Variants in DOCK4 observed in about 807,000 individuals in gnomAD.
DOCK4 encodes dedicator of cytokinesis 4.
Under a neutral mutation model 268.1 loss-of-function variants are expected in DOCK4, and 97 were observed. The observed-to-expected ratio is 0.36, with a 90% CI of 0.31 to 0.43. The LOEUF (loss-of-function observed/expected upper bound fraction) is 0.43. DOCK4 is among the 20% of genes least tolerant of loss of function. The probability of loss-of-function intolerance (pLI) is 1.00; values close to 1 mark genes in which losing one functional copy is unlikely to be tolerated. For missense variants in DOCK4, 2,145 were observed against 2,455.7 expected (o/e 0.87, Z 2.67); for synonymous variants, 954 against 887.2 (o/e 1.08, Z -1.34).
At chr7:112,016,661 G>C (rs1226440507) in intron 1 of DOCK4, among the ~76,000 whole-genome samples, 1 of 152,130 alleles carries the variant, frequency 6.6e-6, no homozygotes, top group South Asian at 2.1e-4. Context: ...ATCAAAACCT[G>C]TAATGGGTTC....
intron 30 of DOCK4, among the ~76,000 whole-genome samples, chr7:111,798,198 C>G (rs936686773): frequency 1.3e-5 from 2 of 152,206 alleles, no homozygotes; most frequent in Non-Finnish European, 2.9e-5. Flanking sequence ...GCAGAGACCA[C>G]TGGAGACAGA....
intron 8 of DOCK4, among the ~76,000 whole-genome samples, chr7:111,974,657 G>C (rs749185903): frequency 5.6e-4 from 85 of 151,558 alleles, no homozygotes; most frequent in Non-Finnish European, 9.9e-4. Flanking sequence ...AGAGACCAGG[G>C]GGAAGTAGGC....
chr7:112,026,332 G>A (rs1483731351), intron 1 of DOCK4, among the ~76,000 whole-genome samples: 1 of 152,208 alleles, frequency 6.6e-6, no homozygotes, highest in Non-Finnish European at 1.5e-5. Flanking sequence ...TAGGTTGCAC[G>A]CTCCTTATGA....
intron 1 of DOCK4, among the ~76,000 whole-genome samples, chr7:112,126,206 G>A (rs1240122033): frequency 6.6e-6 from 1 of 152,116 alleles, no homozygotes; most frequent in Non-Finnish European, 1.5e-5. Context: ...AATCAAAATG[G>A]CATAACATTG....
chr7:111,968,370 A>C (rs1797413302), intron 8 of DOCK4, among the ~76,000 whole-genome samples: 1 of 80,506 alleles, frequency 1.2e-5, no homozygotes, highest in Non-Finnish European at 2.2e-5. Context: ...CAACAAAAAA[A>C]CAAACAACCC....
At chr7:111,818,955 T>C (rs1012118179) in intron 27 of DOCK4, among the ~76,000 whole-genome samples, 11 of 152,232 alleles carry the variant, frequency 7.2e-5, no homozygotes, top group Admixed American at 5.9e-4. Flanking sequence ...CACGGTGCTC[T>C]TTGTCTTTAT....
At chr7:111,999,139 G>A (rs1800214010) in intron 3 of DOCK4, among the ~76,000 whole-genome samples, 1 of 151,922 alleles carries the variant, frequency 6.6e-6, no homozygotes, top group Non-Finnish European at 1.5e-5. Flanking sequence ...ATGGGAAATT[G>A]AAAGAAACAA....
In DOCK4 at chr7:111,788,720, C is replaced by T. The variant is rs1272203257; in HGVS notation, c.3343G>A (p.Asp1115Asn). The change falls in exon 32 of 53, where the codon GAT (aspartate) becomes AAT (asparagine). Residue 1115 changes from aspartate to asparagine, a missense_variant. By Grantham distance (23) the Asp-to-Asn change is conservative. Around this residue, in one of 2 missense-constraint regions of DOCK4, gnomAD observed 1,598 missense variants for 1,986.7 expected, o/e 0.80. Coordinates refer to ENST00000428084, the MANE Select transcript of DOCK4 (RefSeq NM_001363540.2). ...CCTTTGCCTTCTGACATCAGGCTAT[C>T]CAGTTTGTCAATTAGCTTGGCTTCC... Reference protein sequence around the residue: ...QVEAKLIDKLDSLMSEGKGDE... With the variant: ...QVEAKLIDKLNSLMSEGKGDE... 6.3e-7 allele frequency: 1 copy of T among 1,593,172 alleles called. No individual in the cohort carries two copies. The highest frequency in any genetic ancestry group is 1.7e-5 in the Admixed American group (1 of 57,290).
chr7:112,098,836 A>G (rs966130159), intron 1 of DOCK4, among the ~76,000 whole-genome samples: 2 of 151,766 alleles, frequency 1.3e-5, no homozygotes, highest in African/African-American at 4.8e-5. Context: ...TATCTAAATT[A>G]TATCTCATGA....
intron 52 of DOCK4, among the ~76,000 whole-genome samples, chr7:111,730,817 G>C (rs1210221233): frequency 2.6e-5 from 4 of 152,184 alleles, no homozygotes; most frequent in Non-Finnish European, 5.9e-5. Flanking sequence ...CATATGGCCA[G>C]TAAAAATGTA....
In DOCK4 at chr7:112,086,331, GTGTC is replaced by G. The variant is rs534253376; in HGVS notation, c.38-82204_38-82201del. ...ATAAGTCGTGCACCAGTTAACGTCT[GTGTC>G]TGTCTGTTCTCTCTTTCTTCTCTTT... is the stretch of plus-strand genomic sequence containing the variant. On this transcript the variant is annotated intron_variant, in intron 1 of 52. Coordinates refer to ENST00000428084, the MANE Select transcript of DOCK4 (RefSeq NM_001363540.2). 3.9e-5 allele frequency among the ~76,000 whole-genome samples: 6 copies of G among 152,202 alleles called. No individual in the cohort carries two copies. The South Asian group carries it at 1.0e-3, about 26-fold the overall frequency.
At chr7:111,742,848 C>T (rs929730469) in intron 44 of DOCK4, among the ~76,000 whole-genome samples, 11 of 152,000 alleles carry the variant, frequency 7.2e-5, no homozygotes, top group African/African-American at 2.2e-4. Flanking sequence ...AAAAATTAGC[C>T]AGGTGTGGTG....
Position 111,976,268 on chromosome 7 carries a change from ATTATATAT to A in DOCK4, c.701+856_701+863del, listed in dbSNP as rs1463169702. ...TGTATATATATGTGTATGTGTGTCTATTATATATATATATATATATATATATATATATA... is the reference window on the plus strand; with the variant it reads ...TGTATATATATGTGTATGTGTGTCTAATATATATATATATATATATATATA... On this transcript the variant is annotated intron_variant, in intron 8 of 52. Coordinates refer to ENST00000428084, the MANE Select transcript of DOCK4 (RefSeq NM_001363540.2). Among the ~76,000 whole-genome samples the A allele has an allele frequency of 3.5e-5, 2 of 56,400 alleles. 1 individual carries two copies. Among genetic ancestry groups the A allele is most frequent in the African/African-American group, 1.5e-4 (2 of 13,218 alleles). The allele number at this position is 56,400 out of a possible 152,430, so 37.0% of individuals were successfully genotyped here.
rs145060022 is a variant in DOCK4 at position 112,093,147 on chromosome 7, C to T, written c.38-89016G>A. ...ATCCTTAAATAGGCAGATAGTCACG[C>T]TGTTGCTTGGAAGAATACAAGTAGG... On this transcript the variant is annotated intron_variant, in intron 1 of 52. Coordinates refer to ENST00000428084, the MANE Select transcript of DOCK4 (RefSeq NM_001363540.2). 5.2e-3 allele frequency among the ~76,000 whole-genome samples: 784 copies of T among 152,194 alleles called. 7 individuals carry two copies. The highest frequency in any genetic ancestry group is 0.018 in the African/African-American group (735 of 41,526).
chr7:112,155,200 C>CTGTTTT (rs1816503190), intron 1 of DOCK4, among the ~76,000 whole-genome samples: 2 of 152,156 alleles, frequency 1.3e-5, no homozygotes, highest in Admixed American at 6.5e-5. Flanking sequence ...TTTTCCCCAA[C>CTGTTTT]TACTTTTAAA....
intron 35 of DOCK4, among the ~76,000 whole-genome samples, chr7:111,782,464 C>A (rs1798842040): frequency 6.6e-6 from 1 of 152,178 alleles, no homozygotes; most frequent in African/African-American, 2.4e-5. Flanking sequence ...GCATATCACT[C>A]TGTGAGAAAG....
At chr7:111,920,695 G>A (rs1793031107) in intron 12 of DOCK4, among the ~76,000 whole-genome samples, 1 of 152,156 alleles carries the variant, frequency 6.6e-6, no homozygotes, top group African/African-American at 2.4e-5. Flanking sequence ...GGCTTGAGAG[G>A]AGGGTGGAAA....
chr7:112,010,664 C>T (rs919453153), intron 1 of DOCK4, among the ~76,000 whole-genome samples: 2 of 152,200 alleles, frequency 1.3e-5, no homozygotes, highest in African/African-American at 4.8e-5. Flanking sequence ...ACCTTGCAGG[C>T]TCACCTAAGA....
chr7:111,839,784 A>AT (rs1803529380), intron 25 of DOCK4, among the ~76,000 whole-genome samples: 1 of 152,048 alleles, frequency 6.6e-6, no homozygotes, highest in Admixed American at 6.6e-5. Flanking sequence ...CCATAATGTA[A>AT]TTTTTTTGCT....
Sources: gnomAD v4.1 joint callset for allele counts (sites outside exome capture counted in the v4.1 genomes callset) on GRCh38, gnomAD v4.1.1 for gene constraint, gnomAD v4.1.1 regional missense constraint, MANE v1.5 for transcripts, NCBI Gene and HGNC (gene_info 2026-07-23, HGNC 2026-07-21) for gene names.